SCFD2: variants seen among roughly 807,000 people sequenced by gnomAD.
SCFD2 encodes sec1 family domain containing 2.
In SCFD2, 54 loss-of-function variants were observed where a neutral mutation model predicts 58.9. The ratio of observed to expected loss-of-function variants is 0.92; its 90% CI spans 0.74 to 1.15. The LOEUF is 1.15. Ranked by LOEUF, SCFD2 falls within the 50% of genes most tolerant of loss-of-function variation. SCFD2 has a pLI of 0.00. For synonymous variants in SCFD2, 321 were observed against 335.9 expected (o/e 0.96, Z 0.49); for missense variants, 805 against 836.6 (o/e 0.96, Z 0.47).
At position 53,352,643 on chromosome 4, in the gene SCFD2, T is replaced by A. The variant is rs772962062; in HGVS notation, c.962A>T (p.Glu321Val). The A allele has an allele frequency of 1.2e-6, 2 of 1,613,958 alleles. No homozygotes were observed. The highest frequency in any genetic ancestry group is 2.2e-5 in the South Asian group (2 of 91,032). ...MIALTALHTEEENYNVVAPGC... is the reference protein window; with the variant it reads ...MIALTALHTEVENYNVVAPGC... ...TGGTGCAACCACATTATAATTTTCC[T>A]CCTCAGTATGGAGTGCAGTGAGCGC... is the stretch of plus-strand genomic sequence containing the variant. The change falls in exon 2 of 9, where the codon GAG becomes GTG. Residue 321 changes from glutamate to valine, a missense_variant. Coordinates refer to ENST00000401642, the MANE Select transcript of SCFD2 (RefSeq NM_152540.4).
At chr4:52,941,632 G>T (rs1720295575) in intron 5 of SCFD2, among the ~76,000 whole-genome samples, 1 of 152,218 alleles carries the variant, frequency 6.6e-6, no homozygotes, top group Non-Finnish European at 1.5e-5. Flanking sequence ...CACACAGAAG[G>T]CACATGCCAA....
At chr4:52,943,096 T>C (rs1471582892) in intron 5 of SCFD2, among the ~76,000 whole-genome samples, 1 of 152,182 alleles carries the variant, frequency 6.6e-6, no homozygotes, top group Non-Finnish European at 1.5e-5. Flanking sequence ...CAAGATGGTA[T>C]GCCTGACACA....
intron 4 of SCFD2, among the ~76,000 whole-genome samples, chr4:53,200,975 T>TTTATAATACAAATATTATAATA (rs1264762506): frequency 1.3e-5 from 2 of 151,156 alleles, no homozygotes; most frequent in Non-Finnish European, 3.0e-5. Flanking sequence ...GTTGATATGA[T>TTTATAATACAAATATTATAATA]TTATAATACA....
intron 4 of SCFD2, among the ~76,000 whole-genome samples, chr4:53,171,802 T>C (rs572814212): frequency 6.6e-4 from 101 of 152,078 alleles, no homozygotes; most frequent in South Asian, 1.4e-3. Flanking sequence ...GGTAATCTCT[T>C]ATGATTCTTT....
intron 4 of SCFD2, among the ~76,000 whole-genome samples, chr4:53,200,296 A>G (rs1461270677): frequency 6.6e-6 from 1 of 152,122 alleles, no homozygotes; most frequent in African/African-American, 2.4e-5. Flanking sequence ...TCATTGCAAT[A>G]GAAGTTTGTC....
chr4:53,300,560 G>C (rs1732242818), intron 3 of SCFD2, among the ~76,000 whole-genome samples: 1 of 152,064 alleles, frequency 6.6e-6, no homozygotes, highest in African/African-American at 2.4e-5. Context: ...AGTTAACAAG[G>C]ATACCCAGGA....
At chr4:52,883,428 G>A (rs531440103) in intron 8 of SCFD2, among the ~76,000 whole-genome samples, 1 of 152,320 alleles carries the variant, frequency 6.6e-6, no homozygotes, top group South Asian at 2.1e-4. Flanking sequence ...CTCTTCAGGG[G>A]AGCTTTTTGC....
At chr4:53,145,182 G>C (rs1270806945) in intron 5 of SCFD2, 151 bp downstream of exon 5, 37 of 918,380 alleles carry the variant, frequency 4.0e-5, no homozygotes, top group Non-Finnish European at 6.1e-5. Context: ...GGGGACTGTT[G>C]CTATAGGCTG....
chr4:52,902,672 T>C (rs909574709), intron 7 of SCFD2, among the ~76,000 whole-genome samples: 7 of 152,232 alleles, frequency 4.6e-5, no homozygotes, highest in African/African-American at 1.7e-4. Context: ...CCAGACACTG[T>C]TCTGAGTGCT....
At chr4:53,044,636 CTTT>C (rs67332868) in intron 5 of SCFD2, among the ~76,000 whole-genome samples, 1 of 486 alleles carries the variant, frequency 2.1e-3, no homozygotes, top group African/African-American at 5.1e-3. Flanking sequence ...TCCCTCCCTC[CTTT>C]TTTCCTTTTT....
rs554000314 is a variant in SCFD2, at chr4:53,067,590, T to C, written c.1561+77743A>G. 2.6e-5 allele frequency among the ~76,000 whole-genome samples: 4 copies of C among 152,132 alleles called. No individual in the cohort carries two copies. The South Asian group carries it at 8.3e-4, about 32-fold the overall frequency. ...GGATAGTGAGTAATTTCTCATGATA[T>C]CTGATGGTTTTATAAGGGACTTCCC... On this transcript the variant is annotated intron_variant, in intron 5 of 8. Coordinates refer to ENST00000401642, the MANE Select transcript of SCFD2 (RefSeq NM_152540.4).
chr4:53,226,678 G>A (rs925786848), intron 4 of SCFD2, among the ~76,000 whole-genome samples: 4 of 152,080 alleles, frequency 2.6e-5, no homozygotes, highest in African/African-American at 9.7e-5. Context: ...TGATAAGTTA[G>A]GCAATATTTA....
intron 3 of SCFD2, among the ~76,000 whole-genome samples, chr4:53,298,154 T>C (rs1388360736): frequency 6.6e-6 from 1 of 152,132 alleles, no homozygotes. Flanking sequence ...AGGCATCACT[T>C]CACCCGGGAA....
intron 4 of SCFD2, among the ~76,000 whole-genome samples, chr4:53,151,924 G>A (rs896476997): frequency 1.3e-5 from 2 of 152,048 alleles, no homozygotes; most frequent in African/African-American, 4.8e-5. Context: ...GAAGTGGGGA[G>A]GTACCACACT....
At chr4:53,221,411 C>T (rs903331845) in intron 4 of SCFD2, among the ~76,000 whole-genome samples, 11 of 152,138 alleles carry the variant, frequency 7.2e-5, no homozygotes, top group South Asian at 2.1e-4. Flanking sequence ...TTTAATTTCA[C>T]GAAGATCTTG....
chr4:52,956,818 A>G (rs1382809186), intron 5 of SCFD2: 1 of 153,446 alleles, frequency 6.5e-6, no homozygotes, highest in East Asian at 1.9e-4. Flanking sequence ...AGGCAACAGC[A>G]CAGATGTCCA....
intron 3 of SCFD2, among the ~76,000 whole-genome samples, chr4:53,284,583 T>C (rs556513373): frequency 2.0e-5 from 3 of 152,314 alleles, no homozygotes; most frequent in Non-Finnish European, 4.4e-5. Context: ...AAACTTGACT[T>C]TATTACTATC....
intron 2 of SCFD2, among the ~76,000 whole-genome samples, chr4:53,343,795 C>G (rs1369509800): frequency 6.6e-6 from 1 of 152,110 alleles, no homozygotes; most frequent in Non-Finnish European, 1.5e-5. Flanking sequence ...AAGGCTGGTT[C>G]AACATATGCA....
chr4:53,363,692 G>C (rs1293245676), intron 1 of SCFD2, among the ~76,000 whole-genome samples: 1 of 151,644 alleles, frequency 6.6e-6, no homozygotes, highest in African/African-American at 2.4e-5. Flanking sequence ...GCGTAGTGGC[G>C]GGCGCCTGTA....
Sources: allele counts gnomAD v4.1 joint callset (sites outside exome capture counted in the v4.1 genomes callset), GRCh38; gene constraint gnomAD v4.1.1; transcripts MANE v1.5; gene names NCBI Gene and HGNC (gene_info 2026-07-23, HGNC 2026-07-21).